The following DENND1A variants were observed in gnomAD, a reference collection of about 807,000 sequenced individuals.
DENND1A encodes the protein DENN domain containing 1A, also known as DENN domain-containing protein 1A.
DENND1A carries 51 observed loss-of-function variants against 113.7 expected under a neutral mutation model. The ratio of observed to expected loss-of-function variants is 0.45; its 90% CI spans 0.36 to 0.57. DENND1A has a LOEUF of 0.57. Among genes scored for constraint, DENND1A ranks in the 20% least tolerant of loss-of-function variants. The pLI, the probability that DENND1A is intolerant of heterozygous loss-of-function variation, is 0.00. For synonymous variants in DENND1A, 565 were observed against 570.8 expected (o/e 0.99, Z 0.14); for missense variants, 1,258 against 1,395.9 (o/e 0.90, Z 1.57).
At chr9:123,548,857 T>G (rs571072521) in intron 13 of DENND1A, among the ~76,000 whole-genome samples, 1 of 152,146 alleles carries the variant, frequency 6.6e-6, no homozygotes, top group Non-Finnish European at 1.5e-5. Context: ...CTATCTAGAA[T>G]AGGCAAATTC....
chr9:123,757,105 C>G (rs1388527555), intron 5 of DENND1A, among the ~76,000 whole-genome samples: 1 of 152,202 alleles, frequency 6.6e-6, no homozygotes, highest in Non-Finnish European at 1.5e-5. Flanking sequence ...TCAGAACATG[C>G]CTTACCCCTC....
At chr9:123,860,502 A>G (rs1844909093) in intron 2 of DENND1A, among the ~76,000 whole-genome samples, 1 of 152,228 alleles carries the variant, frequency 6.6e-6, no homozygotes, top group Non-Finnish European at 1.5e-5. Context: ...AAGATTACCT[A>G]TTGTGATTAA....
chr9:123,641,641 G>A (rs1362010355), intron 9 of DENND1A, among the ~76,000 whole-genome samples: 1 of 152,014 alleles, frequency 6.6e-6, no homozygotes, highest in African/African-American at 2.4e-5. Flanking sequence ...AGTGCCAGTC[G>A]GTACGCATAA....
At position 123,757,687 on chromosome 9, in the gene DENND1A, A is replaced by C; in HGVS notation, c.302+16T>G. 1 of 1,613,034 alleles carries C rather than the reference A, an allele frequency of 6.2e-7. No homozygotes were observed. The highest frequency in any genetic ancestry group is 8.5e-7 in the Non-Finnish European group (1 of 1,179,384). On this transcript the variant is annotated intron_variant, in intron 5 of 23. Coordinates refer to ENST00000394215, the MANE Select transcript of DENND1A (RefSeq NM_001352964.2). Reference sequence around the variant, plus strand: ...GCTTCAGAGAACAAGCCAACAGCCCAAGCCTTCTCCCTTACCTTAAGATAC... The same window carrying C: ...GCTTCAGAGAACAAGCCAACAGCCCCAGCCTTCTCCCTTACCTTAAGATAC...
chr9:123,650,894 A>G, intron 9 of DENND1A, among the ~76,000 whole-genome samples: 1 of 141,518 alleles, frequency 7.1e-6, no homozygotes, highest in African/African-American at 2.8e-5. Flanking sequence ...GTGACAGAGT[A>G]AGACTCTGTC....
intron 1 of DENND1A, among the ~76,000 whole-genome samples, chr9:123,925,156 G>A (rs1322215530): frequency 2.0e-5 from 3 of 152,074 alleles, no homozygotes; most frequent in Admixed American, 1.3e-4. Context: ...ATTCACCATC[G>A]TAATTCCCAA....
intron 21 of DENND1A, chr9:123,401,906 G>T (rs1426873379): frequency 1.9e-6 from 3 of 1,614,014 alleles, no homozygotes; most frequent in East Asian, 4.5e-5. Context: ...GTGTTGCAAT[G>T]GTGTTTCTGT....
intron 4 of DENND1A, among the ~76,000 whole-genome samples, chr9:123,767,355 T>A (rs1367700264): frequency 6.6e-6 from 1 of 151,822 alleles, no homozygotes; most frequent in Non-Finnish European, 1.5e-5. Context: ...TTGTACATGG[T>A]AAGGAATGAA....
chr9:123,583,692 T>C (rs1035324449), intron 11 of DENND1A, among the ~76,000 whole-genome samples: 2 of 152,324 alleles, frequency 1.3e-5, no homozygotes, highest in Non-Finnish European at 1.5e-5. Flanking sequence ...CAAAGGCTAC[T>C]TGCCCATCTC....
At chr9:123,673,329 C>A (rs148373532) in intron 6 of DENND1A, among the ~76,000 whole-genome samples, 3 of 152,316 alleles carry the variant, frequency 2.0e-5, no homozygotes, top group African/African-American at 7.2e-5. Context: ...TTCAGTGTGA[C>A]ATAATCCTTT....
rs774398957 is a variant in DENND1A at position 123,457,878 on chromosome 9, C to T, written c.1013G>A (p.Cys338Tyr). ...KIEPEEPITF[C>Y]EEAFVSHYRS... The stretch of plus-strand genomic sequence containing the variant: ...GTAGTGGGACACGAAGGCTTCCTCA[C>T]AGAAAGTGATCGGCTCCTCCTGGGA... Residue 338 changes from cysteine to tyrosine, a missense_variant, in exon 14 of 24, where the codon TGT becomes TAT. This residue lies in a region of DENND1A where 1,159 missense variants were observed against 1,231.7 expected (regional missense o/e 0.94). Coordinates refer to ENST00000394215, the MANE Select transcript of DENND1A (RefSeq NM_001352964.2). 6.8e-6 allele frequency: 11 copies of T among 1,611,818 alleles called. No individual in the cohort carries two copies. The highest frequency in any genetic ancestry group is 7.6e-6 in the Non-Finnish European group (9 of 1,179,052).
At chr9:123,927,161 T>C (rs1857261828) in intron 1 of DENND1A, among the ~76,000 whole-genome samples, 1 of 152,240 alleles carries the variant, frequency 6.6e-6, no homozygotes, top group East Asian at 1.9e-4. Flanking sequence ...ACAGAGATTG[T>C]GTTCAACCAG....
rs904658715 is a variant in DENND1A at position 123,383,690 on chromosome 9, C to A, written c.1984G>T (p.Asp662Tyr). ...AAGGTCCCTGGCTGCTCCCTCAGGT[C>A]TTTGGGGGCACGAAGGTCCTCTAAG... ...KSLEDLRAPK[D>Y]LREQPGTFDY... The change falls in exon 23 of 24, where the codon GAC (aspartate) becomes TAC (tyrosine). Residue 662 changes from aspartate (D) to tyrosine (Y), a missense_variant. By Grantham distance (160) the Asp-to-Tyr change is radical. Coordinates refer to ENST00000394215, the MANE Select transcript of DENND1A (RefSeq NM_001352964.2). The A allele has an allele frequency of 7.4e-6, 12 of 1,614,030 alleles. No homozygotes were observed. The highest frequency in any genetic ancestry group is 1.3e-5 in the African/African-American group (1 of 74,958).
intron 2 of DENND1A, among the ~76,000 whole-genome samples, chr9:123,815,977 C>T (rs1837405994): frequency 6.6e-6 from 1 of 150,830 alleles, no homozygotes; most frequent in Non-Finnish European, 1.5e-5. Context: ...GGCACTGGGC[C>T]CTCAAAGTGA....
chr9:123,699,681 T>A (rs1564972734), intron 5 of DENND1A, among the ~76,000 whole-genome samples: 3 of 123,908 alleles, frequency 2.4e-5, no homozygotes, highest in Non-Finnish European at 4.8e-5. Flanking sequence ...CCTTTCATTC[T>A]TTCTTTCTTT....
chr9:123,837,772 G>C (rs1841256413), intron 2 of DENND1A, among the ~76,000 whole-genome samples: 1 of 152,104 alleles, frequency 6.6e-6, no homozygotes, highest in African/African-American at 2.4e-5. Flanking sequence ...TAAAGACCAA[G>C]AAAAACAGTG....
intron 13 of DENND1A, among the ~76,000 whole-genome samples, chr9:123,537,060 G>T (rs996448582): frequency 2.0e-5 from 3 of 152,088 alleles, no homozygotes; most frequent in African/African-American, 7.2e-5. Flanking sequence ...TGCCTGAGAG[G>T]TATGCCCACA....
At position 123,652,137 on chromosome 9, in the gene DENND1A, G is replaced by A; in HGVS notation, c.508-14C>T. 6.2e-7 allele frequency: 1 copy of A among 1,608,526 alleles called. No individual in the cohort carries two copies. The highest frequency in any genetic ancestry group is 8.5e-7 in the Non-Finnish European group (1 of 1,175,078). The stretch of plus-strand genomic sequence containing the variant: ...TGTCAGATTTCTCTAGGAGAAAGAA[G>A]AAGGCACGGTTTGTGGCTGATTTTC... On this transcript the variant is annotated splice_polypyrimidine_tract_variant and intron_variant, in intron 8 of 23. Coordinates refer to ENST00000394215, the MANE Select transcript of DENND1A (RefSeq NM_001352964.2).
intron 1 of DENND1A, among the ~76,000 whole-genome samples, chr9:123,883,731 T>C (rs955976325): frequency 1.3e-5 from 2 of 152,224 alleles, no homozygotes; most frequent in African/African-American, 4.8e-5. Flanking sequence ...AGGAAGGTTA[T>C]TCCTCTTCTT....
Sources: gnomAD v4.1 joint callset for allele counts (sites outside exome capture counted in the v4.1 genomes callset) on GRCh38, gnomAD v4.1.1 for gene constraint, gnomAD v4.1.1 regional missense constraint, MANE v1.5 for transcripts, NCBI Gene and HGNC (gene_info 2026-07-23, HGNC 2026-07-21) for gene names.